The following SCMH1 variants were observed in gnomAD, a reference collection of about 807,000 sequenced individuals.
The protein encoded by SCMH1 is Scm polycomb group protein homolog 1, also known as polycomb protein SCMH1.
SCMH1 carries 37 observed loss-of-function variants against 70.8 expected under a neutral mutation model. The observed-to-expected ratio is 0.52, with a 90% confidence interval of 0.40 to 0.69. The LOEUF (loss-of-function observed/expected upper bound fraction) is 0.69, where lower values mean the gene tolerates loss of function less well. Ranked by LOEUF, SCMH1 falls within the 30% of genes least tolerant of loss-of-function variation. The probability of loss-of-function intolerance (pLI) is 0.00; values close to 1 mark genes in which losing one functional copy is unlikely to be tolerated. For missense variants in SCMH1, 607 were observed against 827.3 expected, an observed-to-expected ratio of 0.73 and a Z score of 3.27; for synonymous variants, 292 against 307.4, an observed-to-expected ratio of 0.95 and a Z score of 0.52.
At chr1:41,038,731 T>G (rs1479388983) in intron 12 of SCMH1, among the ~76,000 whole-genome samples, 1 of 152,186 alleles carries the variant, frequency 6.6e-6, no homozygotes, top group Non-Finnish European at 1.5e-5. Flanking sequence ...CCATAATACC[T>G]AAGCCATATC....
At chr1:41,059,002 G>A (rs1651616168) in intron 10 of SCMH1, among the ~76,000 whole-genome samples, 1 of 152,186 alleles carries the variant, frequency 6.6e-6, no homozygotes, top group Non-Finnish European at 1.5e-5. Flanking sequence ...CCATCGAAGA[G>A]TTTACTTGTG....
intron 1 of SCMH1, among the ~76,000 whole-genome samples, chr1:41,240,213 AG>A (rs1308434743): frequency 6.6e-6 from 1 of 152,260 alleles, no homozygotes; most frequent in African/African-American, 2.4e-5. Flanking sequence ...ACAAAAATAA[AG>A]AACCAATTCT....
At chr1:41,164,180 C>G (rs1018717775) in intron 2 of SCMH1, among the ~76,000 whole-genome samples, 2 of 152,076 alleles carry the variant, frequency 1.3e-5, no homozygotes. Flanking sequence ...AGGCTCAATC[C>G]TAAATCTGGT....
chr1:41,032,575 T>C (rs900942577), intron 13 of SCMH1, among the ~76,000 whole-genome samples: 4 of 152,194 alleles, frequency 2.6e-5, no homozygotes, highest in African/African-American at 7.2e-5. Context: ...CTGAGTGAAA[T>C]AGGTAGGTTT....
At chr1:41,221,294 T>C (rs1414464992) in intron 1 of SCMH1, among the ~76,000 whole-genome samples, 2 of 152,026 alleles carry the variant, frequency 1.3e-5, no homozygotes, top group Admixed American at 1.3e-4. Flanking sequence ...CAGTTTTAAT[T>C]GGGGAAGATG....
chr1:41,165,126 A>T (rs893580763), intron 2 of SCMH1, among the ~76,000 whole-genome samples: 1 of 152,034 alleles, frequency 6.6e-6, no homozygotes, highest in Non-Finnish European at 1.5e-5. Context: ...TAGATTCTAC[A>T]TGTGAGATTA....
chr1:41,176,857 C>T (rs553945110), intron 2 of SCMH1, among the ~76,000 whole-genome samples: 1 of 152,344 alleles, frequency 6.6e-6, no homozygotes, highest in Non-Finnish European at 1.5e-5. Flanking sequence ...CAGCAGAATC[C>T]TCTGCAGACT....
chr1:41,082,301 A>G (rs1190104391), intron 8 of SCMH1, among the ~76,000 whole-genome samples: 1 of 152,196 alleles, frequency 6.6e-6, no homozygotes, highest in Non-Finnish European at 1.5e-5. Flanking sequence ...AAAAATGTTA[A>G]GGGCAGCTAG....
chr1:41,195,054 C>T (rs1022779796), intron 1 of SCMH1, among the ~76,000 whole-genome samples: 4 of 139,396 alleles, frequency 2.9e-5, no homozygotes, highest in Non-Finnish European at 6.0e-5. Context: ...TTGCTTGAAC[C>T]TGGGAGGTGG....
At chr1:41,144,186 A>G (rs924954209) in intron 5 of SCMH1, among the ~76,000 whole-genome samples, 5 of 152,172 alleles carry the variant, frequency 3.3e-5, no homozygotes, top group African/African-American at 1.2e-4. Context: ...TGTAAACACC[A>G]TCCCTATCTA....
In SCMH1 at chr1:41,058,378, G is replaced by GTTTTTTTTTTTTTTTTTTTTTTTTTT. The variant is rs548733204; in HGVS notation, c.1106-9489_1106-9488insAAAAAAAAAAAAAAAAAAAAAAAAAA. 6.1e-5 allele frequency among the ~76,000 whole-genome samples: 5 copies of GTTTTTTTTTTTTTTTTTTTTTTTTTT among 81,638 alleles called. 1 individual carries two copies. Among genetic ancestry groups the GTTTTTTTTTTTTTTTTTTTTTTTTTT allele is most frequent in the South Asian group, 1.3e-3 (2 of 1,554 alleles). 53.6% of individuals were successfully genotyped at this position (81,638 alleles called of 152,430 possible). On this transcript the variant is annotated intron_variant, in intron 10 of 14. Coordinates refer to ENST00000337495, the Ensembl canonical transcript of SCMH1. ...TTAGTATTTATACATTTTCTTTCTT[G>GTTTTTTTTTTTTTTTTTTTTTTTTTT]TTTTTTTTTTTTTTTTTTTTTTGAG...
Position 41,040,923 on chromosome 1 carries a change from T to C in SCMH1, c.1499-3382A>G, listed in dbSNP as rs553363281. The stretch of plus-strand genomic sequence containing the variant: ...AAACAACAACAAAAAAAGGAGGGCA[T>C]TTTAGCAATCAGAACTGCCCAACAA... On this transcript the variant is annotated intron_variant, in intron 12 of 14. Transcript: ENST00000337495. Among the ~76,000 whole-genome samples the C allele has an allele frequency of 2.0e-5, 3 of 152,096 alleles. No homozygotes were observed. The South Asian group carries it at 6.2e-4, about 32-fold the overall frequency.
intron 1 of SCMH1, among the ~76,000 whole-genome samples, chr1:41,221,552 C>G (rs1659273252): frequency 6.9e-6 from 1 of 145,690 alleles, no homozygotes; most frequent in African/African-American, 2.5e-5. Context: ...CACACAGACA[C>G]AAAATTCAAT....
intron 8 of SCMH1, among the ~76,000 whole-genome samples, chr1:41,106,822 A>G (rs1006445691): frequency 2.0e-5 from 3 of 151,234 alleles, no homozygotes; most frequent in Admixed American, 6.6e-5. Context: ...CCCGAGTAGC[A>G]GGGACTGCAG....
chr1:41,129,013 C>G (rs564420331), intron 6 of SCMH1, among the ~76,000 whole-genome samples: 2 of 152,196 alleles, frequency 1.3e-5, no homozygotes, highest in African/African-American at 4.8e-5. Context: ...TCTTTTAAAT[C>G]TAAATCCTAC....
intron 6 of SCMH1, among the ~76,000 whole-genome samples, chr1:41,121,614 G>A (rs947239280): frequency 3.3e-5 from 5 of 152,054 alleles, no homozygotes; most frequent in African/African-American, 1.2e-4. Flanking sequence ...CTTCTTCTTG[G>A]TCCCCACTTT....
intron 2 of SCMH1, among the ~76,000 whole-genome samples, chr1:41,176,597 G>A (rs58973729): frequency 0.24 from 35,778 of 152,212 alleles, 5,038 homozygotes; most frequent in Non-Finnish European, 0.31. Context: ...CACACCAGGA[G>A]ATTATATCCC....
chr1:41,187,592 A>G (rs755270105), intron 1 of SCMH1, among the ~76,000 whole-genome samples: 1 of 152,092 alleles, frequency 6.6e-6, no homozygotes, highest in Non-Finnish European at 1.5e-5. Flanking sequence ...TGTAAATAAC[A>G]AATGAAAAAA....
chr1:41,223,832 T>C (rs1659746452), intron 1 of SCMH1, among the ~76,000 whole-genome samples: 1 of 152,162 alleles, frequency 6.6e-6, no homozygotes, highest in African/African-American at 2.4e-5. Flanking sequence ...TGCTCTGTCA[T>C]TTGCAAGGCT....
Sources: gnomAD v4.1 joint callset for allele counts (sites outside exome capture counted in the v4.1 genomes callset) on GRCh38, gnomAD v4.1.1 for gene constraint, MANE v1.5 for transcripts, NCBI Gene and HGNC (gene_info 2026-07-23, HGNC 2026-07-21) for gene names.